Variants in SZT2 observed in about 807,000 individuals in gnomAD.
The protein encoded by SZT2 is KICSTOR complex protein SZT2.
SZT2 carries 216 observed loss-of-function variants against 404.2 expected under a neutral mutation model. That is an observed-to-expected ratio of 0.53 (90% CI 0.48 to 0.60). The LOEUF (loss-of-function observed/expected upper bound fraction) is 0.60, where lower values mean the gene tolerates loss of function less well. SZT2 is among the 20% of genes least tolerant of loss of function. The pLI is 0.00. For synonymous variants in SZT2, 1,693 were observed against 1,749.9 expected (o/e 0.97, Z 0.81); for missense variants, 3,857 against 4,459.2 (o/e 0.86, Z 3.85).
chr1:43,398,632 G>A (rs555929538), intron 1 of SZT2, among the ~76,000 whole-genome samples: 2 of 152,190 alleles, frequency 1.3e-5, no homozygotes, highest in East Asian at 1.9e-4. Flanking sequence ...GAGAAAGAAA[G>A]GGTGAGTAAT....
intron 1 of SZT2, among the ~76,000 whole-genome samples, chr1:43,400,300 T>C (rs886512614): frequency 3.9e-5 from 6 of 152,204 alleles, no homozygotes; most frequent in African/African-American, 1.4e-4. Flanking sequence ...CATATTGATA[T>C]TTAAATTCTC....
chr1:43,401,748 A>G (rs1570558968), intron 1 of SZT2, among the ~76,000 whole-genome samples: 1 of 152,206 alleles, frequency 6.6e-6, no homozygotes, highest in East Asian at 1.9e-4. Flanking sequence ...GGCCTCCTGA[A>G]GTGCTGGGAT....
At chr1:43,440,825 C>G (rs1006959543) in intron 52 of SZT2, among the ~76,000 whole-genome samples, 3 of 152,198 alleles carry the variant, frequency 2.0e-5, no homozygotes, top group Admixed American at 6.5e-5. Flanking sequence ...GTGATCATGC[C>G]TGTTAATGCA....
chr1:43,450,251 T>TG lies in SZT2; in HGVS notation c.10156-82dup. On this transcript the variant is annotated intron_variant, in intron 71 of 71. Coordinates refer to ENST00000634258, the MANE Select transcript of SZT2 (RefSeq NM_001365999.1). This position sits in a 1 kb window ranked among gnomAD's most constrained non-coding sequence, Gnocchi z 4.3. ...GCTCCACCTCGGAGCCTGCTGAGGT[T>TG]GGGGTGCCCACCCTTTCTGAGCCCT... is the stretch of plus-strand genomic sequence containing the variant. 6.2e-7 allele frequency: 1 copy of TG among 1,613,644 alleles called. No individual in the cohort carries two copies. Among genetic ancestry groups the TG allele is most frequent in the South Asian group, 1.1e-5 (1 of 91,068 alleles).
rs763369193 is a variant in SZT2 at position 43,426,504 on chromosome 1, G to C, written c.3180G>C (p.Leu1060Phe). The C allele has an allele frequency of 5.0e-6, 8 of 1,594,882 alleles. No homozygotes were observed. Among genetic ancestry groups the C allele is most frequent in the Non-Finnish European group, 6.8e-6 (8 of 1,178,300 alleles). Residue 1060 changes from leucine to phenylalanine, a missense_variant, in exon 22 of 72, where the codon TTG becomes TTC. This residue lies in a region of SZT2 where 1,725 missense variants were observed against 1,881.0 expected (regional missense o/e 0.92). Coordinates refer to ENST00000634258, the MANE Select transcript of SZT2 (RefSeq NM_001365999.1). The surrounding 1 kb of genome is among the most constrained non-coding windows in gnomAD (Gnocchi z 4.9). The stretch of plus-strand genomic sequence containing the variant: ...CCCCCGTTGACCAGGCTGCCTTCTT[G>C]AGTGAGGTGCTGCGGCGGACCTGCC... The part of the protein sequence containing the change: ...PLTPVDQAAF[L>F]SEVLRRTCHV...
rs1469542216 is a variant in SZT2 at position 43,432,992 on chromosome 1, A to G, written c.5606A>G (p.Tyr1869Cys). The G allele has an allele frequency of 6.2e-7, 1 of 1,614,034 alleles. No homozygotes were observed. The highest frequency in any genetic ancestry group is 2.2e-5 in the East Asian group (1 of 44,878). ...ACCTTCAATGCATCTGACACAGGTT[A>G]TGATGGTGGCAGCAGTGGCTCAGAC... ...QGSVDSDHLG[Y>C]DGGSSGSDSE... The change falls in exon 40 of 72, where the codon TAT (tyrosine) becomes TGT (cysteine). Residue 1869 changes from tyrosine (Y) to cysteine (C), a missense_variant. Physicochemically the swap from Tyr to Cys is radical, Grantham distance 194. Transcript: ENST00000634258.
In SZT2 at chr1:43,437,810, A is replaced by G; in HGVS notation, c.6416A>G (p.Asp2139Gly). The change falls in exon 46 of 72, where the codon GAC becomes GGC. Residue 2139 changes from aspartate to glycine, a missense_variant. Physicochemically the swap from Asp to Gly is moderately conservative, Grantham distance 94. Coordinates refer to ENST00000634258, the MANE Select transcript of SZT2 (RefSeq NM_001365999.1). This position sits in a 1 kb window ranked among gnomAD's most constrained non-coding sequence, Gnocchi z 5.3. ...CTGTAGGGTCCTCGTTCTCCCTTAG[A>G]CATGGTCTCTAGCCGCAGTTCAGAT... Reference protein sequence around the residue: ...EEASGPRSPLDMVSSRSSDAA... With the variant: ...EEASGPRSPLGMVSSRSSDAA... The G allele has an allele frequency of 6.2e-7, 1 of 1,614,014 alleles. No individual in the cohort carries two copies. Among genetic ancestry groups the G allele is most frequent in the Non-Finnish European group, 8.5e-7 (1 of 1,180,004 alleles).
In SZT2 at chr1:43,419,895, C is replaced by G. The variant is rs1652135697; in HGVS notation, c.1041C>G (p.Leu347=). ...GLTVYHRAFL[L]YSFLRSGEAL... Reference sequence around the variant, plus strand: ...CTGTCTACCACCGGGCATTTCTCCTCTATTCCTTCCTGCGCAGTGGGGAAG... The same window carrying G: ...CTGTCTACCACCGGGCATTTCTCCTGTATTCCTTCCTGCGCAGTGGGGAAG... The change falls in exon 8 of 72, where the codon CTC becomes CTG. Residue 347 remains leucine, a synonymous_variant. Coordinates refer to ENST00000634258, the MANE Select transcript of SZT2 (RefSeq NM_001365999.1). 1 of 1,598,428 alleles carries G rather than the reference C, an allele frequency of 6.3e-7. No individual in the cohort carries two copies. The highest frequency in any genetic ancestry group is 1.3e-5 in the African/African-American group (1 of 75,056).
Position 43,424,495 on chromosome 1 carries a change from C to T in SZT2, c.2471+63C>T. 3 of 1,524,288 alleles carry T rather than the reference C, an allele frequency of 2.0e-6. No homozygotes were observed. Among genetic ancestry groups the T allele is most frequent in the Non-Finnish European group, 2.7e-6 (3 of 1,120,564 alleles). 94.4% of individuals were successfully genotyped at this position (1,524,288 alleles called of 1,614,324 possible). On this transcript the variant is annotated intron_variant, in intron 16 of 71. Transcript: ENST00000634258. This position sits in a 1 kb window ranked among gnomAD's most constrained non-coding sequence, Gnocchi z 4.1. ...GAGAGAGCAAGTGTAGACTGGGACACTAGCAAAAAGCCTATAGCACACACT... is the reference window on the plus strand; with the variant it reads ...GAGAGAGCAAGTGTAGACTGGGACATTAGCAAAAAGCCTATAGCACACACT...
In SZT2 at chr1:43,422,753, T is replaced by C. The variant is rs1190876815; in HGVS notation, c.1923-16T>C. The C allele has an allele frequency of 2.6e-6, 4 of 1,527,460 alleles. No homozygotes were observed. The highest frequency in any genetic ancestry group is 3.5e-6 in the Non-Finnish European group (4 of 1,140,430). The allele number at this position is 1,527,460 out of a possible 1,614,324, so 94.6% of individuals were successfully genotyped here. A position where few individuals can be genotyped will look rare whatever the true frequency, so the allele number is the denominator to read the frequency against. On this transcript the variant is annotated splice_polypyrimidine_tract_variant and intron_variant, in intron 13 of 71. Coordinates refer to ENST00000634258, the MANE Select transcript of SZT2 (RefSeq NM_001365999.1). ...TGCCAACCTTGGGCTGCTCACTGACTCCCATTTCTCCCCAGTGCCCCAGAC... is the reference window on the plus strand; with the variant it reads ...TGCCAACCTTGGGCTGCTCACTGACCCCCATTTCTCCCCAGTGCCCCAGAC...
At chr1:43,390,648 T>C (rs1648183691) in intron 1 of SZT2, among the ~76,000 whole-genome samples, 1 of 152,250 alleles carries the variant, frequency 6.6e-6, no homozygotes, top group African/African-American at 2.4e-5. Flanking sequence ...AGGAACCTTA[T>C]ATATGTTGTG....
Position 43,440,509 on chromosome 1 carries a change from T to G in SZT2, c.7267T>G (p.Phe2423Val). Residue 2423 changes from phenylalanine (F) to valine (V), a missense_variant, in exon 52 of 72, where the codon TTT (phenylalanine) becomes GTT (valine). Around this residue, in one of 7 missense-constraint regions of SZT2, gnomAD observed 573 missense variants for 592.4 expected, o/e 0.97. Transcript: ENST00000634258. ...TKSSAGRASTFPPAPVPGEPV... is the reference protein window; with the variant it reads ...TKSSAGRASTVPPAPVPGEPV... ...GAGCTCTGCAGGCCGAGCTAGCACC[T>G]TTCCCCCTGCCCCTGTCCCTGGGGA... The G allele has an allele frequency of 1.2e-6, 2 of 1,608,754 alleles. No homozygotes were observed. Among genetic ancestry groups the G allele is most frequent in the Non-Finnish European group, 8.5e-7 (1 of 1,177,702 alleles).
At position 43,414,414 on chromosome 1, in the gene SZT2, C is replaced by G. The variant is rs1651450131; in HGVS notation, c.499-668C>G. The stretch of plus-strand genomic sequence containing the variant: ...AATATATACACCTTCTATGTACCCA[C>G]AAAAATTTTTAAAAAAAAATTTTTT... On this transcript the variant is annotated intron_variant, in intron 4 of 71. Coordinates refer to ENST00000634258, the MANE Select transcript of SZT2 (RefSeq NM_001365999.1). 3.9e-5 allele frequency among the ~76,000 whole-genome samples: 6 copies of G among 151,938 alleles called. No homozygotes were observed. In the South Asian group the frequency reaches 1.3e-3, roughly 32 times the overall value.
intron 7 of SZT2, among the ~76,000 whole-genome samples, chr1:43,418,094 C>A (rs948301390): frequency 5.3e-5 from 8 of 151,930 alleles, no homozygotes; most frequent in Admixed American, 2.0e-4. Flanking sequence ...TTTTTCAGAG[C>A]CATTTTAGTG....
chr1:43,392,903 T>A (rs1648570752), intron 1 of SZT2, among the ~76,000 whole-genome samples: 2 of 152,202 alleles, frequency 1.3e-5, no homozygotes. Flanking sequence ...TTGAAATATT[T>A]TACGAGTGCT....
At position 43,448,099 on chromosome 1, in the gene SZT2, T is replaced by G. The variant is rs758735510; in HGVS notation, c.9584T>G (p.Leu3195Arg). ...CCCAGGCTACAGTTCTTCGTGGTGC[T>G]CACCAGCCAGCGAGAGCTCTTCCCC... The part of the protein sequence containing the change: ...HVLRLQFFVV[L>R]TSQRELFPRL... The change falls in exon 69 of 72, where the codon CTC becomes CGC. Residue 3195 changes from leucine (L) to arginine (R), a missense_variant. Transcript: ENST00000634258. The surrounding 1 kb of genome is among the most constrained non-coding windows in gnomAD (Gnocchi z 4.2). 1 of 1,597,118 alleles carries G rather than the reference T, an allele frequency of 6.3e-7. No homozygotes were observed. Among genetic ancestry groups the G allele is most frequent in the Non-Finnish European group, 8.6e-7 (1 of 1,168,982 alleles).
Position 43,441,331 on chromosome 1 carries a change from G to A in SZT2, c.7462G>A (p.Gly2488Ser). Residue 2488 changes from glycine to serine, a missense_variant, in exon 53 of 72, where the codon GGT (glycine) becomes AGT (serine). Coordinates refer to ENST00000634258, the MANE Select transcript of SZT2 (RefSeq NM_001365999.1). The surrounding 1 kb of genome is among the most constrained non-coding windows in gnomAD (Gnocchi z 4.8). ...RHKTESVRTPGGAERAPGSDS... is the reference protein window; with the variant it reads ...RHKTESVRTPSGAERAPGSDS... The stretch of plus-strand genomic sequence containing the variant: ...CAAAACCGAGAGTGTTCGGACTCCT[G>A]GTGGAGCTGAGCGGGCGCCAGGCTC... 6.2e-7 allele frequency: 1 copy of A among 1,614,228 alleles called. No individual in the cohort carries two copies. Among genetic ancestry groups the A allele is most frequent in the African/African-American group, 1.3e-5 (1 of 75,066 alleles).
chr1:43,422,721 T>C, intron 13 of SZT2, 48 bp from the exon 14 acceptor site: 3 of 1,301,992 alleles, frequency 2.3e-6, no homozygotes, highest in Non-Finnish European at 3.0e-6. Flanking sequence ...ACCTCACTGC[T>C]ACTTCCTGCC....
rs1393823379 is a variant in SZT2, at chr1:43,430,574, A to C, written c.4559A>C (p.Asp1520Ala). Residue 1520 changes from aspartate (D) to alanine (A), a missense_variant, in exon 32 of 72, where the codon GAC becomes GCC. Around this residue, in one of 7 missense-constraint regions of SZT2, gnomAD observed 1,725 missense variants for 1,881.0 expected, o/e 0.92. Transcript: ENST00000634258. ...EVEYRESRES[D>A]LGPAGLDSAS... ...GAATACCGGGAGAGCCGTGAATCAG[A>C]CCTGGGGCCTGCTGGGCTAGACTCT... 6.2e-7 allele frequency: 1 copy of C among 1,614,124 alleles called. No individual in the cohort carries two copies. The highest frequency in any genetic ancestry group is 1.1e-5 in the South Asian group (1 of 91,086).
Sources: gnomAD v4.1 joint callset for allele counts (sites outside exome capture counted in the v4.1 genomes callset) on GRCh38, gnomAD v4.1.1 for gene constraint, gnomAD v4.1.1 regional missense constraint, Gnocchi (gnomAD v3.1) non-coding constraint, MANE v1.5 for transcripts, NCBI Gene and HGNC (gene_info 2026-07-23, HGNC 2026-07-21) for gene names.